The following GABRG3 variants were observed in gnomAD, a reference collection of about 807,000 sequenced individuals.
GABRG3 encodes the protein gamma-aminobutyric acid receptor subunit gamma-3.
A neutral mutation model predicts 48.8 loss-of-function variants in GABRG3; 25 were observed. The ratio of observed to expected loss-of-function variants is 0.51; its 90% CI spans 0.37 to 0.72. The LOEUF (loss-of-function observed/expected upper bound fraction) is 0.72. GABRG3 is among the 30% of genes least tolerant of loss of function. The pLI is 0.00. For missense variants in GABRG3, 394 were observed against 577.9 expected (o/e 0.68, Z 3.26); for synonymous variants, 227 against 217.6 (o/e 1.04, Z -0.38).
intron 6 of GABRG3, among the ~76,000 whole-genome samples, chr15:27,485,898 A>G (rs1890208472): frequency 6.6e-6 from 1 of 152,230 alleles, no homozygotes; most frequent in African/African-American, 2.4e-5. Context: ...TATGATCTCT[A>G]TAGCAAGCTG....
intron 3 of GABRG3, among the ~76,000 whole-genome samples, chr15:27,126,725 G>A (rs560997249): frequency 2.6e-5 from 4 of 152,218 alleles, no homozygotes; most frequent in Non-Finnish European, 4.4e-5. Flanking sequence ...TGTTGTTTGA[G>A]GCCTCTGAAC....
chr15:27,030,299 C>T (rs1896060740), intron 3 of GABRG3, among the ~76,000 whole-genome samples: 1 of 152,156 alleles, frequency 6.6e-6, no homozygotes, highest in South Asian at 2.1e-4. Flanking sequence ...CCTCTTCTTC[C>T]TCCTCCTTCT....
chr15:27,117,107 A>G (rs1368616430), intron 3 of GABRG3, among the ~76,000 whole-genome samples: 1 of 152,240 alleles, frequency 6.6e-6, no homozygotes, highest in African/African-American at 2.4e-5. Flanking sequence ...ATGTTAAACA[A>G]TAGCTCAAGG....
chr15:27,311,787 A>G (rs1252869732), intron 3 of GABRG3, among the ~76,000 whole-genome samples: 2 of 151,946 alleles, frequency 1.3e-5, no homozygotes, highest in Admixed American at 6.6e-5. Context: ...AACCAAGAAA[A>G]CAGGTTGGAC....
intron 4 of GABRG3, among the ~76,000 whole-genome samples, chr15:27,327,490 A>G (rs1227780802): frequency 6.6e-6 from 1 of 152,194 alleles, no homozygotes; most frequent in African/African-American, 2.4e-5. Flanking sequence ...CCAGAGAGGT[A>G]AGGGAAACTG....
intron 2 of GABRG3, among the ~76,000 whole-genome samples, chr15:27,022,397 C>T (rs1160296790): frequency 6.6e-6 from 1 of 152,076 alleles, no homozygotes; most frequent in Non-Finnish European, 1.5e-5. Context: ...ACATCTGTGC[C>T]CACCTCAGGG....
intron 5 of GABRG3, among the ~76,000 whole-genome samples, chr15:27,394,139 C>T (rs1034019841): frequency 1.3e-5 from 2 of 152,060 alleles, no homozygotes; most frequent in Non-Finnish European, 2.9e-5. Flanking sequence ...TATTTGTTTT[C>T]TGTATGTCTT....
At chr15:27,289,507 G>A (rs1024564332) in intron 3 of GABRG3, among the ~76,000 whole-genome samples, 2 of 152,172 alleles carry the variant, frequency 1.3e-5, no homozygotes, top group East Asian at 3.9e-4. Context: ...ATGGGGGCAG[G>A]GGAAAACCTG....
intron 5 of GABRG3, among the ~76,000 whole-genome samples, chr15:27,334,216 A>C (rs1050983723): frequency 1.3e-5 from 2 of 152,312 alleles, no homozygotes; most frequent in Admixed American, 6.5e-5. Flanking sequence ...TTAATGACAA[A>C]ATGTTAAGAA....
chr15:27,143,555 ACATT>A (rs1898144261), intron 3 of GABRG3, among the ~76,000 whole-genome samples: 1 of 152,228 alleles, frequency 6.6e-6, no homozygotes. Context: ...ATCAAGTCAT[ACATT>A]CTCAATAAAT....
At chr15:27,045,989 C>A (rs529439872) in intron 3 of GABRG3, among the ~76,000 whole-genome samples, 1 of 152,152 alleles carries the variant, frequency 6.6e-6, no homozygotes, top group Non-Finnish European at 1.5e-5. Flanking sequence ...TGTGGGCAGA[C>A]GTGGGAACTG....
At chr15:27,524,958 A>G (rs979985416) in intron 7 of GABRG3, among the ~76,000 whole-genome samples, 15 of 152,264 alleles carry the variant, frequency 9.9e-5, no homozygotes, top group East Asian at 3.9e-4. Context: ...TCCAACTACA[A>G]TGTGTCTCCA....
intron 3 of GABRG3, among the ~76,000 whole-genome samples, chr15:27,224,708 G>C (rs60290535): frequency 6.6e-6 from 1 of 152,190 alleles, no homozygotes; most frequent in Non-Finnish European, 1.5e-5. Flanking sequence ...AAGATGGAAA[G>C]GTTAAGAAGT....
chr15:27,155,083 C>G (rs1898394538), intron 3 of GABRG3, among the ~76,000 whole-genome samples: 1 of 151,710 alleles, frequency 6.6e-6, no homozygotes, highest in Non-Finnish European at 1.5e-5. Flanking sequence ...AGTCTGTTTT[C>G]TTGCTGGTTT....
At chr15:27,142,059 A>G (rs1229456212) in intron 3 of GABRG3, among the ~76,000 whole-genome samples, 1 of 152,226 alleles carries the variant, frequency 6.6e-6, no homozygotes, top group African/African-American at 2.4e-5. Flanking sequence ...TTTTAAAAGT[A>G]TTTCAGATGT....
chr15:27,129,769 A>G (rs1595540929), intron 3 of GABRG3, among the ~76,000 whole-genome samples: 1 of 148,672 alleles, frequency 6.7e-6, no homozygotes, highest in Non-Finnish European at 1.5e-5. Context: ...GTCTCATTGT[A>G]GTTTTGATTT....
At chr15:27,492,605 A>T (rs570906222) in intron 6 of GABRG3, among the ~76,000 whole-genome samples, 1 of 152,348 alleles carries the variant, frequency 6.6e-6, no homozygotes, top group African/African-American at 2.4e-5. Flanking sequence ...CCAGGGAATC[A>T]ATCTTCAAAA....
At chr15:27,453,527 A>T (rs1445871685) in intron 5 of GABRG3, among the ~76,000 whole-genome samples, 1 of 152,224 alleles carries the variant, frequency 6.6e-6, no homozygotes, top group African/African-American at 2.4e-5. Flanking sequence ...TAATTATCTC[A>T]GTAACCTTTG....
chr15:27,530,416 C>G (rs546105144), intron 9 of GABRG3, among the ~76,000 whole-genome samples: 1 of 152,210 alleles, frequency 6.6e-6, no homozygotes, highest in Non-Finnish European at 1.5e-5. Flanking sequence ...GAAAAGGAGG[C>G]AAGTAAAGAA....
Sources: gnomAD v4.1 joint callset for allele counts (sites outside exome capture counted in the v4.1 genomes callset) on GRCh38, gnomAD v4.1.1 for gene constraint, MANE v1.5 for transcripts, NCBI Gene and HGNC (gene_info 2026-07-23, HGNC 2026-07-21) for gene names.